The following PYROXD2 variants were observed in gnomAD, a reference collection of about 807,000 sequenced individuals.
PYROXD2 encodes the protein pyridine nucleotide-disulfide oxidoreductase domain-containing protein 2.
PYROXD2 carries 69 observed loss-of-function variants against 71.1 expected under a neutral mutation model. The ratio of observed to expected loss-of-function variants is 0.97; its 90% confidence interval spans 0.80 to 1.19. PYROXD2 has a LOEUF of 1.19. Ranked by LOEUF, PYROXD2 falls within the 50% of genes most tolerant of loss-of-function variation. The pLI, the probability that PYROXD2 is intolerant of heterozygous loss-of-function variation, is 0.00. For missense variants in PYROXD2, 745 were observed against 748.9 expected, an observed-to-expected ratio of 0.99 and a Z score of 0.06; for synonymous variants, 287 against 302.7, an observed-to-expected ratio of 0.95 and a Z score of 0.54.
chr10:98,392,101 C>G (rs951342627), intron 10 of PYROXD2, among the ~76,000 whole-genome samples: 1 of 152,032 alleles, frequency 6.6e-6, no homozygotes, highest in Non-Finnish European at 1.5e-5. Flanking sequence ...AGATCATTGA[C>G]AAAGACAATG....
Position 98,397,455 on chromosome 10 carries a change from G to T in PYROXD2, c.515C>A (p.Ala172Asp), listed in dbSNP as rs776842851. 3.7e-6 allele frequency: 6 copies of T among 1,612,708 alleles called. No homozygotes were observed. Among genetic ancestry groups the T allele is most frequent in the Non-Finnish European group, 5.1e-6 (6 of 1,179,194 alleles). ...YEEFMHRLAL[A>D]IDPLLDAAPV... ...GGCCGCATCCAGCAGAGGGTCAATG[G>T]CTAATGCCAAGCGATGCATGAACTC... The change falls in exon 6 of 16, where the codon GCC becomes GAC. Residue 172 changes from alanine to aspartate, a missense_variant. By Grantham distance (126) the Ala-to-Asp change is moderately radical. Coordinates refer to ENST00000370575, the MANE Select transcript of PYROXD2 (RefSeq NM_032709.3).
At chr10:98,392,299 C>G (rs546129641) in intron 10 of PYROXD2, 133 bp downstream of exon 10, 5 of 1,445,788 alleles carry the variant, frequency 3.5e-6, no homozygotes, top group Non-Finnish European at 3.7e-6. Context: ...CCCTTACCCC[C>G]CTGTTTCCCA....
At chr10:98,404,684 T>C (rs7915108) in intron 4 of PYROXD2, among the ~76,000 whole-genome samples, 47,253 of 151,812 alleles carry the variant, frequency 0.31, 7,610 homozygotes, top group South Asian at 0.49. Flanking sequence ...GTGAAGGGTG[T>C]ATCTGTGTGT....
intron 13 of PYROXD2, 160 bp downstream of exon 13, chr10:98,388,194 T>A (rs778781655): frequency 1.5e-6 from 1 of 686,018 alleles, no homozygotes; most frequent in Non-Finnish European, 2.5e-6. Flanking sequence ...TCCTGACCCC[T>A]GCAGTCAACT....
intron 14 of PYROXD2, among the ~76,000 whole-genome samples, 182 bp from the exon 15 acceptor site, chr10:98,385,249 G>A (rs1196814175): frequency 1.3e-5 from 2 of 152,264 alleles, no homozygotes; most frequent in African/African-American, 2.4e-5. Context: ...CTGGGGCTGG[G>A]AGTGAAGTTT....
In PYROXD2 at chr10:98,383,777, T is replaced by C; in HGVS notation, c.*21A>G. ...GAATTCAGGGGTGGAGTCTTCTTCC[T>C]GGGTCAGAGCTGGTTCAGGGTCACA... On this transcript the variant is annotated 3_prime_UTR_variant, in exon 16 of 16. Transcript: ENST00000370575. The C allele has an allele frequency of 1.2e-6, 2 of 1,611,128 alleles. No homozygotes were observed. The highest frequency in any genetic ancestry group is 2.2e-5 in the South Asian group (2 of 91,002).
At chr10:98,406,381 C>T (rs1389902490) in intron 4 of PYROXD2, among the ~76,000 whole-genome samples, 1 of 152,196 alleles carries the variant, frequency 6.6e-6, no homozygotes, top group Admixed American at 6.5e-5. Flanking sequence ...ATAAGTGGTG[C>T]ATTTATAAAC....
chr10:98,413,682 C>T (rs1367561678), intron 1 of PYROXD2, among the ~76,000 whole-genome samples: 1 of 152,066 alleles, frequency 6.6e-6, no homozygotes, highest in Non-Finnish European at 1.5e-5. Flanking sequence ...CCGCTGCACT[C>T]CAGCCTGGGC....
intron 5 of PYROXD2, among the ~76,000 whole-genome samples, 191 bp downstream of exon 5, chr10:98,399,911 A>T (rs1843331796): frequency 6.6e-6 from 1 of 152,176 alleles, no homozygotes; most frequent in Non-Finnish European, 1.5e-5. Context: ...GGTCTTAATC[A>T]GCATCCTCCA....
intron 12 of PYROXD2, among the ~76,000 whole-genome samples, chr10:98,389,712 G>A (rs976604596): frequency 6.6e-6 from 1 of 152,114 alleles, no homozygotes; most frequent in African/African-American, 2.4e-5. Context: ...CAAGTGCCAC[G>A]TTATTAGAGA....
chr10:98,392,359 C>G, intron 10 of PYROXD2, 73 bp downstream of exon 10: 1 of 1,569,278 alleles, frequency 6.4e-7, no homozygotes, highest in Non-Finnish European at 8.6e-7. Flanking sequence ...AATCCTGGCT[C>G]CCTCAATCCC....
chr10:98,392,717 G>T, intron 9 of PYROXD2, 151 bp from the exon 10 acceptor site: 1 of 1,366,894 alleles, frequency 7.3e-7, no homozygotes, highest in Non-Finnish European at 9.8e-7. Flanking sequence ...TCTCCATGAA[G>T]CCTCAGCTTC....
intron 12 of PYROXD2, 132 bp from the exon 13 acceptor site, chr10:98,388,640 A>T: frequency 2.9e-6 from 3 of 1,048,858 alleles, no homozygotes; most frequent in Non-Finnish European, 4.0e-6. Flanking sequence ...CTACAGCCAC[A>T]GTGGTTGTCC....
chr10:98,400,227 G>T lies in PYROXD2; in HGVS notation c.346C>A (p.Pro116Thr). The T allele has an allele frequency of 6.2e-7, 1 of 1,611,926 alleles. No individual in the cohort carries two copies. Among genetic ancestry groups the T allele is most frequent in the Non-Finnish European group, 8.5e-7 (1 of 1,178,864 alleles). The change falls in exon 5 of 16, where the codon CCC becomes ACC. Residue 116 changes from proline to threonine, a missense_variant. Pro to Thr is a conservative substitution (Grantham distance 38). Transcript: ENST00000370575. ...TCCAGCATGGGGGTGAAGGAGTAGGGGTTTCGAAGATGAAGCCTCAGCCCA... is the reference window on the plus strand; with the variant it reads ...TCCAGCATGGGGGTGAAGGAGTAGGTGTTTCGAAGATGAAGCCTCAGCCCA... ...KHGLRLHLRN[P>T]YSFTPMLEEG...
Position 98,400,241 on chromosome 10 carries a change from A to C in PYROXD2, c.332T>G (p.Leu111Arg). 1 of 1,611,560 alleles carries C rather than the reference A, an allele frequency of 6.2e-7. No homozygotes were observed. The highest frequency in any genetic ancestry group is 8.5e-7 in the Non-Finnish European group (1 of 1,178,474). The change falls in exon 5 of 16, where the codon CTT becomes CGT. Residue 111 changes from leucine (L) to arginine (R), a missense_variant. Physicochemically the swap from Leu to Arg is moderately radical, Grantham distance 102. Coordinates refer to ENST00000370575, the MANE Select transcript of PYROXD2 (RefSeq NM_032709.3). ...DLELKKHGLRLHLRNPYSFTP... is the reference protein window; with the variant it reads ...DLELKKHGLRRHLRNPYSFTP... ...GAAGGAGTAGGGGTTTCGAAGATGAAGCCTCAGCCCATGTTTCTGCAAAAC... is the reference window on the plus strand; with the variant it reads ...GAAGGAGTAGGGGTTTCGAAGATGACGCCTCAGCCCATGTTTCTGCAAAAC...
In PYROXD2 at chr10:98,392,497, C is replaced by T. The variant is rs753952113; in HGVS notation, c.997G>A (p.Val333Met). The T allele has an allele frequency of 2.2e-5, 35 of 1,613,728 alleles. No homozygotes were observed. The Middle Eastern group carries it at 1.2e-3, about 53-fold the overall frequency. ...QGVVLEDGTEVRSKMVLSNTS... is the reference protein window; with the variant it reads ...QGVVLEDGTEMRSKMVLSNTS... ...TTGGACAGCACCATTTTGCTTCTCA[C>T]CTCTGTGCCATCTTCCAGCACAACT... Residue 333 changes from valine (V) to methionine (M), a missense_variant, in exon 10 of 16, where the codon GTG becomes ATG. Val to Met is a conservative substitution (Grantham distance 21, BLOSUM62 1). Coordinates refer to ENST00000370575, the MANE Select transcript of PYROXD2 (RefSeq NM_032709.3).
intron 4 of PYROXD2, among the ~76,000 whole-genome samples, chr10:98,403,792 T>G (rs1004083763): frequency 1.3e-5 from 2 of 152,212 alleles, no homozygotes; most frequent in Non-Finnish European, 2.9e-5. Flanking sequence ...GCACTCTCCC[T>G]GAAGTTCTCT....
chr10:98,398,256 C>G (rs908792041), intron 5 of PYROXD2, among the ~76,000 whole-genome samples: 1 of 152,112 alleles, frequency 6.6e-6, no homozygotes, highest in Non-Finnish European at 1.5e-5. Flanking sequence ...GTCTGTAGGT[C>G]GTCTCCCATG....
In PYROXD2 at chr10:98,397,511, T is replaced by G; in HGVS notation, c.472-13A>C. On this transcript the variant is annotated splice_polypyrimidine_tract_variant and intron_variant, in intron 5 of 15. Transcript: ENST00000370575. ...ATTTGGGAAAGACCTGGAACAGAGCTCTGCATTAAGGCCCCACTGTCCACA... is the reference window on the plus strand; with the variant it reads ...ATTTGGGAAAGACCTGGAACAGAGCGCTGCATTAAGGCCCCACTGTCCACA... 6.3e-7 allele frequency: 1 copy of G among 1,582,908 alleles called. No homozygotes were observed. The highest frequency in any genetic ancestry group is 8.6e-7 in the Non-Finnish European group (1 of 1,159,924).
Sources: allele counts gnomAD v4.1 joint callset (sites outside exome capture counted in the v4.1 genomes callset), GRCh38; gene constraint gnomAD v4.1.1; transcripts MANE v1.5; gene names NCBI Gene and HGNC (gene_info 2026-07-23, HGNC 2026-07-21).